Variants in RASGRP3 observed in about 807,000 individuals in gnomAD.
RASGRP3 encodes the protein RAS guanyl releasing protein 3.
A neutral mutation model predicts 82.7 loss-of-function variants in RASGRP3; 54 were observed. The ratio of observed to expected loss-of-function variants is 0.65; its 90% CI spans 0.52 to 0.82. The LOEUF (loss-of-function observed/expected upper bound fraction) is 0.82. Ranked by LOEUF, RASGRP3 falls within the 40% of genes least tolerant of loss-of-function variation. The pLI, the probability that RASGRP3 is intolerant of heterozygous loss-of-function variation, is 0.00. For synonymous variants in RASGRP3, 309 were observed against 300.5 expected (o/e 1.03, Z -0.29); for missense variants, 861 against 828.9 (o/e 1.04, Z -0.48).
At chr2:33,516,239 C>T (rs917143358) in intron 3 of RASGRP3, among the ~76,000 whole-genome samples, 24 of 152,220 alleles carry the variant, frequency 1.6e-4, no homozygotes, top group African/African-American at 5.5e-4. Flanking sequence ...GAAACCCCGT[C>T]TCTACTAAAA....
chr2:33,477,573 G>A (rs929096316), intron 1 of RASGRP3, among the ~76,000 whole-genome samples: 4 of 152,330 alleles, frequency 2.6e-5, no homozygotes, highest in Non-Finnish European at 4.4e-5. Context: ...GGAGAGAACC[G>A]GCTCCTTCTC....
intron 1 of RASGRP3, among the ~76,000 whole-genome samples, chr2:33,485,752 T>A (rs1668316549): frequency 6.6e-6 from 1 of 152,234 alleles, no homozygotes; most frequent in Non-Finnish European, 1.5e-5. Context: ...GCTATTTTAA[T>A]TCTTTATGTT....
In RASGRP3 at chr2:33,558,984, T is replaced by G. The variant is rs1208793297; in HGVS notation, c.2018T>G (p.Phe673Cys). The change falls in exon 17 of 18, where the codon TTT becomes TGT. Residue 673 changes from phenylalanine to cysteine, a missense_variant. By Grantham distance (205) the Phe-to-Cys change is radical. Transcript: ENST00000403687. ...GVDVVDRGTEFELDQDEGEET... is the reference protein window; with the variant it reads ...GVDVVDRGTECELDQDEGEET... The stretch of plus-strand genomic sequence containing the variant: ...GATGTTGTAGACCGGGGCACGGAGT[T>G]TGAACTTGACCAGGATGAAGGAGAA... 6.2e-7 allele frequency: 1 copy of G among 1,613,656 alleles called. No individual in the cohort carries two copies. Among genetic ancestry groups the G allele is most frequent in the South Asian group, 1.1e-5 (1 of 91,002 alleles).
intron 1 of RASGRP3, among the ~76,000 whole-genome samples, chr2:33,507,692 C>T (rs1345338016): frequency 1.3e-5 from 2 of 152,056 alleles, no homozygotes; most frequent in African/African-American, 4.8e-5. Context: ...CGCCTGGCTA[C>T]TTCTTGTATT....
intron 1 of RASGRP3, among the ~76,000 whole-genome samples, chr2:33,497,976 T>C: frequency 6.6e-6 from 1 of 152,218 alleles, no homozygotes; most frequent in Admixed American, 6.5e-5. Flanking sequence ...TTCCCCTCCC[T>C]TTCTCCAGCC....
chr2:33,538,849 T>A (rs1047452228), intron 11 of RASGRP3, among the ~76,000 whole-genome samples: 4 of 151,894 alleles, frequency 2.6e-5, no homozygotes, highest in Non-Finnish European at 5.9e-5. Context: ...GACCAGCCTG[T>A]GCAACATGGT....
At chr2:33,503,836 T>C (rs541320548) in intron 1 of RASGRP3, among the ~76,000 whole-genome samples, 42 of 152,344 alleles carry the variant, frequency 2.8e-4, no homozygotes, top group African/African-American at 1.0e-3. Context: ...AGTTAGCGTC[T>C]AAATGGTAAA....
At chr2:33,530,698 G>A (rs1673036036) in intron 10 of RASGRP3, among the ~76,000 whole-genome samples, 1 of 152,008 alleles carries the variant, frequency 6.6e-6, no homozygotes, top group South Asian at 2.1e-4. Flanking sequence ...TCTTCATGAT[G>A]TGCAGTAAAG....
In RASGRP3 at chr2:33,564,004, G is replaced by A. The variant is rs927837739; in HGVS notation, c.*1267G>A. 1 of 152,112 alleles carries A rather than the reference G, an allele frequency of 6.6e-6. No individual in the cohort carries two copies. Among genetic ancestry groups the A allele is most frequent in the African/African-American group, 2.4e-5 (1 of 41,414 alleles). The allele number at this position is 152,112 out of a possible 1,614,324, so 9.4% of individuals were successfully genotyped here. ...GACTAGTCGGAAACTACACAGACGT[G>A]CACTGGTCTGCATTTGGGGGCTAAA... On this transcript the variant is annotated 3_prime_UTR_variant, in exon 18 of 18. Transcript: ENST00000403687.
intron 1 of RASGRP3, among the ~76,000 whole-genome samples, chr2:33,440,811 A>G (rs1574209945): frequency 6.6e-6 from 1 of 152,158 alleles, no homozygotes; most frequent in Non-Finnish European, 1.5e-5. Context: ...GCTAAAACAT[A>G]CTTATTTTAC....
intron 2 of RASGRP3, among the ~76,000 whole-genome samples, chr2:33,464,111 ATTAT>A (rs1666543026): frequency 1.6e-5 from 2 of 125,684 alleles, no homozygotes; most frequent in South Asian, 5.0e-4. Flanking sequence ...AATAATAATA[ATTAT>A]TATTATTATT....
chr2:33,561,787 T>C (rs1676687504), intron 17 of RASGRP3, among the ~76,000 whole-genome samples: 1 of 152,130 alleles, frequency 6.6e-6, no homozygotes, highest in African/African-American at 2.4e-5. Context: ...GTTCCAGGAT[T>C]TACGCTCATT....
chr2:33,538,797 G>T (rs901780194), intron 11 of RASGRP3, among the ~76,000 whole-genome samples: 1 of 152,166 alleles, frequency 6.6e-6, no homozygotes, highest in Non-Finnish European at 1.5e-5. Flanking sequence ...CCGGCACTTT[G>T]GGAGGCTGAG....
intron 1 of RASGRP3, among the ~76,000 whole-genome samples, chr2:33,440,066 T>C (rs1321186495): frequency 6.6e-6 from 1 of 151,824 alleles, no homozygotes; most frequent in Non-Finnish European, 1.5e-5. Flanking sequence ...TTCAAAGAAA[T>C]GGCCAAAGAG....
At position 33,549,749 on chromosome 2, in the gene RASGRP3, T is replaced by C; in HGVS notation, c.1540T>C (p.Phe514Leu). 6.2e-7 allele frequency: 1 copy of C among 1,612,060 alleles called. No homozygotes were observed. Among genetic ancestry groups the C allele is most frequent in the Non-Finnish European group, 8.5e-7 (1 of 1,179,270 alleles). Reference protein sequence around the residue: ...KPTFCEHCAGFLWGIIKQGYK... With the variant: ...KPTFCEHCAGLLWGIIKQGYK... ...AACCTTCTGCGAACACTGTGCGGGA[T>C]TTGTAAGTCTGTTTTCCGTTGTTTT... Residue 514 changes from phenylalanine (F) to leucine (L), a missense_variant and splice_region_variant, in exon 14 of 18, where the codon TTT (phenylalanine) becomes CTT (leucine). Coordinates refer to ENST00000403687, the MANE Select transcript of RASGRP3 (RefSeq NM_001139488.2).
chr2:33,534,182 C>A, intron 10 of RASGRP3, 141 bp from the exon 11 acceptor site: 2 of 620,060 alleles, frequency 3.2e-6, no homozygotes, highest in Admixed American at 2.8e-5. Flanking sequence ...TCCATCTCTG[C>A]GTGCCGTCTT....
At chr2:33,472,212 A>G (rs1379245166), upstream of RASGRP3, among the ~76,000 whole-genome samples, 1 of 152,232 alleles carries the variant, frequency 6.6e-6, no homozygotes, top group Non-Finnish European at 1.5e-5. Flanking sequence ...GATATAAAAT[A>G]AGTCATAAGC....
Position 33,558,665 on chromosome 2 carries a change from C to T in RASGRP3, c.1706-7C>T, listed in dbSNP as rs757066730. 3.8e-6 allele frequency: 6 copies of T among 1,579,384 alleles called. No individual in the cohort carries two copies. In the African/African-American group the frequency reaches 6.8e-5, roughly 18 times the overall value. On this transcript the variant is annotated splice_region_variant and splice_polypyrimidine_tract_variant and intron_variant, in intron 16 of 17. Transcript: ENST00000403687. Reference sequence around the variant, plus strand: ...GTCAAATAATCACCACCCTTTTTCACTTCCAGCGCAGGATGAGGTGTTTGA... The same window carrying T: ...GTCAAATAATCACCACCCTTTTTCATTTCCAGCGCAGGATGAGGTGTTTGA...
intron 9 of RASGRP3, 102 bp downstream of exon 9, chr2:33,524,650 C>G: frequency 1.2e-6 from 1 of 858,414 alleles, no homozygotes. Flanking sequence ...GGAAAGTTTT[C>G]CTCTTAAACC....
Sources: gnomAD v4.1 joint callset for allele counts (sites outside exome capture counted in the v4.1 genomes callset) on GRCh38, gnomAD v4.1.1 for gene constraint, MANE v1.5 for transcripts, NCBI Gene and HGNC (gene_info 2026-07-23, HGNC 2026-07-21) for gene names.